SNAP91: variants seen among roughly 807,000 people sequenced by gnomAD.
The protein encoded by SNAP91 is synaptosome associated protein 91.
Under a neutral mutation model 100.3 loss-of-function variants are expected in SNAP91, and 27 were observed. The observed-to-expected ratio is 0.27, with a 90% CI of 0.20 to 0.37. The LOEUF (loss-of-function observed/expected upper bound fraction) is 0.37, where lower values mean the gene tolerates loss of function less well. SNAP91 is among the 10% of genes least tolerant of loss of function. The pLI, the probability that SNAP91 is intolerant of heterozygous loss-of-function variation, is 1.00. For synonymous variants in SNAP91, 404 were observed against 398.6 expected, an observed-to-expected ratio of 1.01 and a Z score of -0.16; for missense variants, 986 against 1,123.7, an observed-to-expected ratio of 0.88 and a Z score of 1.75.
In SNAP91 at chr6:83,618,805, T is replaced by C. The variant is rs546816365; in HGVS notation, c.808-1766A>G. Among the ~76,000 whole-genome samples the C allele has an allele frequency of 8.5e-5, 13 of 152,070 alleles. No individual in the cohort carries two copies. In the South Asian group the frequency reaches 2.5e-3, roughly 29 times the overall value. On this transcript the variant is annotated intron_variant, in intron 9 of 29. Coordinates refer to ENST00000369694, the MANE Select transcript of SNAP91 (RefSeq NM_001242792.2). ...AGGAAAAAAAATAAGCCATAGAACTTCTTTCCAGTTAGAAAACTTAAGATA... is the reference window on the plus strand; with the variant it reads ...AGGAAAAAAAATAAGCCATAGAACTCCTTTCCAGTTAGAAAACTTAAGATA...
chr6:83,631,844 A>G (rs1231671509), intron 8 of SNAP91, among the ~76,000 whole-genome samples: 1 of 152,106 alleles, frequency 6.6e-6, no homozygotes. Flanking sequence ...CAATGTTAGT[A>G]TTGAGATGTG....
At position 83,661,387 on chromosome 6, in the gene SNAP91, A is replaced by G. The variant is rs752858687; in HGVS notation, c.452+115T>C. 6.9e-5 allele frequency: 40 copies of G among 581,230 alleles called. No homozygotes were observed. In the Middle Eastern group the frequency reaches 1.3e-3, roughly 19 times the overall value. 36.0% of individuals were successfully genotyped at this position (581,230 alleles called of 1,614,324 possible). ...ATTATTGAGTTCCTTTTTTTAGGTT[A>G]TTGTAAACTGGGCCTTCAAGAAAAT... On this transcript the variant is annotated intron_variant, in intron 5 of 29. Coordinates refer to ENST00000369694, the MANE Select transcript of SNAP91 (RefSeq NM_001242792.2).
intron 2 of SNAP91, among the ~76,000 whole-genome samples, chr6:83,672,160 C>T (rs563471079): frequency 2.6e-5 from 4 of 152,246 alleles, no homozygotes; most frequent in Admixed American, 1.3e-4. Flanking sequence ...GATACCTTTA[C>T]GTGCTATTCT....
At chr6:83,708,355 T>C (rs570757425) in intron 1 of SNAP91, 2 of 163,528 alleles carry the variant, frequency 1.2e-5, no homozygotes, top group East Asian at 1.8e-4. Context: ...CCGGTGCCCA[T>C]CTCCCACCTC....
intron 8 of SNAP91, among the ~76,000 whole-genome samples, chr6:83,628,550 G>A (rs958021379): frequency 4.7e-5 from 7 of 149,466 alleles, no homozygotes; most frequent in Non-Finnish European, 7.4e-5. Flanking sequence ...TTAATTTTTT[G>A]ATTATGGCCA....
At position 83,614,876 on chromosome 6, in the gene SNAP91, G is replaced by A. The variant is rs1206556438; in HGVS notation, c.879-14C>T. The A allele has an allele frequency of 6.3e-7, 1 of 1,589,190 alleles. No homozygotes were observed. The highest frequency in any genetic ancestry group is 8.5e-7 in the Non-Finnish European group (1 of 1,173,478). ...ACTCACCCTTCACTTAAGTTCCAAG[G>A]TAAGCACAAACATACAAAGAAGAGA... On this transcript the variant is annotated splice_polypyrimidine_tract_variant and intron_variant, in intron 10 of 29. Coordinates refer to ENST00000369694, the MANE Select transcript of SNAP91 (RefSeq NM_001242792.2).
intron 25 of SNAP91, chr6:83,575,366 T>A (rs910683681): frequency 1.7e-5 from 8 of 472,410 alleles, no homozygotes; most frequent in Non-Finnish European, 3.0e-5. Flanking sequence ...GAATTTCCTA[T>A]CCTCTATAAA....
chr6:83,603,835 G>C (rs1277497277), intron 14 of SNAP91, among the ~76,000 whole-genome samples: 1 of 152,024 alleles, frequency 6.6e-6, no homozygotes, highest in Non-Finnish European at 1.5e-5. Flanking sequence ...ATACTGCTCT[G>C]CTTTGTCTTT....
At chr6:83,621,332 G>A (rs2096720323) in intron 9 of SNAP91, among the ~76,000 whole-genome samples, 2 of 152,074 alleles carry the variant, frequency 1.3e-5, no homozygotes, top group Non-Finnish European at 2.9e-5. Flanking sequence ...TGGTGTATAT[G>A]TATCACATAA....
rs2098054218 is a variant in SNAP91 at position 83,648,475 on chromosome 6, A to G, written c.659-7273T>C. ...TTTCTCTTGGGTAAGCATCCAGGATATGATCCTAGTGGGTCATAAGTTAGG... is the reference window on the plus strand; with the variant it reads ...TTTCTCTTGGGTAAGCATCCAGGATGTGATCCTAGTGGGTCATAAGTTAGG... On this transcript the variant is annotated intron_variant, in intron 7 of 29. Transcript: ENST00000369694. Among the ~76,000 whole-genome samples, 7 of 151,996 alleles carry G rather than the reference A, an allele frequency of 4.6e-5. No individual in the cohort carries two copies. In the South Asian group the frequency reaches 1.4e-3, roughly 31 times the overall value.
At chr6:83,593,437 C>T (rs2094068960) in intron 18 of SNAP91, 41 bp downstream of exon 18, 1 of 1,543,890 alleles carries the variant, frequency 6.5e-7, no homozygotes, top group African/African-American at 1.4e-5. Flanking sequence ...GAATTCAATC[C>T]ACTAGACGGA....
At position 83,574,615 on chromosome 6, in the gene SNAP91, A is replaced by T. The variant is rs538080821; in HGVS notation, c.2442+395T>A. Among the ~76,000 whole-genome samples, 218 of 152,310 alleles carry T rather than the reference A, an allele frequency of 1.4e-3. 1 individual carries two copies. The highest frequency in any genetic ancestry group is 6.8e-3 in the Middle Eastern group (2 of 294). On this transcript the variant is annotated intron_variant, in intron 26 of 29. Transcript: ENST00000369694. ...GATAAGATAGATAAAATGATCAATGACATTAAGTGCTTTTGATAAATCATT... is the reference window on the plus strand; with the variant it reads ...GATAAGATAGATAAAATGATCAATGTCATTAAGTGCTTTTGATAAATCATT...
In SNAP91 at chr6:83,662,288, T is replaced by A. The variant is rs547189451; in HGVS notation, c.349+59A>T. The A allele has an allele frequency of 1.3e-5, 8 of 638,846 alleles. No homozygotes were observed. In the East Asian group the frequency reaches 2.2e-4, roughly 18 times the overall value. The allele number at this position is 638,846 out of a possible 1,614,324, so 39.6% of individuals were successfully genotyped here. A position where few individuals can be genotyped will look rare whatever the true frequency, so the allele number is the denominator to read the frequency against. On this transcript the variant is annotated intron_variant, in intron 4 of 29. Transcript: ENST00000369694. Reference sequence around the variant, plus strand: ...ATCAGTTGCAATGATTTTGGATTAATAGCCTCACTTCAAAAATCAAAGCAT... The same window carrying A: ...ATCAGTTGCAATGATTTTGGATTAAAAGCCTCACTTCAAAAATCAAAGCAT...
At chr6:83,581,115 TTA>T (rs1052627218) in intron 23 of SNAP91, among the ~76,000 whole-genome samples, 1 of 152,180 alleles carries the variant, frequency 6.6e-6, no homozygotes, top group African/African-American at 2.4e-5. Flanking sequence ...TCTAAATAAT[TTA>T]CTCTGAAAAC....
rs531870981 is a variant in SNAP91 at position 83,693,546 on chromosome 6, T to C, written c.130+14252A>G. ...TCTTGGGTACTAATATGCTTTGCAT[T>C]AGATATATTTTAAGGCAACTGATTA... On this transcript the variant is annotated intron_variant, in intron 2 of 29. Coordinates refer to ENST00000369694, the MANE Select transcript of SNAP91 (RefSeq NM_001242792.2). 4.6e-5 allele frequency among the ~76,000 whole-genome samples: 7 copies of C among 152,310 alleles called. No homozygotes were observed. In the South Asian group the frequency reaches 1.5e-3, roughly 32 times the overall value.
At chr6:83,593,409 A>G in intron 18 of SNAP91, 69 bp downstream of exon 18, 1 of 1,533,276 alleles carries the variant, frequency 6.5e-7, no homozygotes, top group East Asian at 2.5e-5. Flanking sequence ...GTCTTCATGC[A>G]GTACATCTCA....
chr6:83,587,485 C>A lies in SNAP91; in HGVS notation c.2014+3726G>T, dbSNP rs191274655. On this transcript the variant is annotated intron_variant, in intron 22 of 29. Transcript: ENST00000369694. ...TGTGGGCTTGCTATGTATGACTAGGCTCATTTATTTATTTTTTTTTAAAAA... is the reference window on the plus strand; with the variant it reads ...TGTGGGCTTGCTATGTATGACTAGGATCATTTATTTATTTTTTTTTAAAAA... Among the ~76,000 whole-genome samples, 8 of 151,952 alleles carry A rather than the reference C, an allele frequency of 5.3e-5. No homozygotes were observed. In the East Asian group the frequency reaches 1.5e-3, roughly 29 times the overall value.
intron 10 of SNAP91, 95 bp downstream of exon 10, chr6:83,616,874 C>G (rs867658036): frequency 1.2e-6 from 1 of 826,062 alleles, no homozygotes; most frequent in Non-Finnish European, 1.9e-6. Context: ...TACCCTAAAA[C>G]TAGAGCAATA....
chr6:83,674,702 A>G (rs2128863534), intron 2 of SNAP91, among the ~76,000 whole-genome samples: 1 of 152,266 alleles, frequency 6.6e-6, no homozygotes, highest in Non-Finnish European at 1.5e-5. Context: ...TTCTAAGTTC[A>G]GTTTCAGGTG....
Sources: allele counts gnomAD v4.1 joint callset (sites outside exome capture counted in the v4.1 genomes callset), GRCh38; gene constraint gnomAD v4.1.1; transcripts MANE v1.5; gene names NCBI Gene and HGNC (gene_info 2026-07-23, HGNC 2026-07-21).